DSCAM: variants seen among roughly 807,000 people sequenced by gnomAD.
DSCAM encodes the protein DS cell adhesion molecule.
A neutral mutation model predicts 217.7 loss-of-function variants in DSCAM; 47 were observed. The observed-to-expected ratio is 0.22, with a 90% CI of 0.17 to 0.28. The LOEUF is 0.28. Among genes scored for constraint, DSCAM ranks in the 10% least tolerant of loss-of-function variants. DSCAM has a pLI of 1.00. For missense variants in DSCAM, 2,080 were observed against 2,618.3 expected (o/e 0.79, Z 4.49); for synonymous variants, 1,056 against 1,015.3 (o/e 1.04, Z -0.76).
chr21:40,467,069 G>C (rs934002477), intron 3 of DSCAM, among the ~76,000 whole-genome samples: 1 of 152,156 alleles, frequency 6.6e-6, no homozygotes, highest in Non-Finnish European at 1.5e-5. Context: ...TATGTCTGTA[G>C]CTAAAGATAT....
chr21:40,302,111 T>C (rs766305886), intron 9 of DSCAM, among the ~76,000 whole-genome samples: 1 of 152,220 alleles, frequency 6.6e-6, no homozygotes, highest in Non-Finnish European at 1.5e-5. Flanking sequence ...GATTTCCTTT[T>C]ATTAGTATAA....
chr21:40,781,319 C>T (rs1238721651), intron 1 of DSCAM, among the ~76,000 whole-genome samples: 1 of 152,100 alleles, frequency 6.6e-6, no homozygotes, highest in Non-Finnish European at 1.5e-5. Flanking sequence ...CGTGCCTGGC[C>T]CATTTTGTAC....
intron 4 of DSCAM, among the ~76,000 whole-genome samples, chr21:40,364,463 G>C (rs1303876774): frequency 6.7e-6 from 1 of 148,694 alleles, no homozygotes; most frequent in Non-Finnish European, 1.5e-5. Flanking sequence ...TCACTCATAG[G>C]TGGGAATTGA....
intron 28 of DSCAM, among the ~76,000 whole-genome samples, chr21:40,058,617 G>C (rs990429211): frequency 2.0e-5 from 3 of 152,152 alleles, no homozygotes; most frequent in Admixed American, 6.5e-5. Flanking sequence ...CCAAGACTTT[G>C]TTTTGAGGCA....
At position 40,315,630 on chromosome 21, in the gene DSCAM, T is replaced by C. The variant is rs1401887682; in HGVS notation, c.1784-3271A>G. Among the ~76,000 whole-genome samples the C allele has an allele frequency of 1.8e-4, 27 of 152,158 alleles. 1 individual carries two copies. The highest frequency in any genetic ancestry group is 1.7e-3 in the Admixed American group (26 of 15,274). ...AAAATATTTGCAATTCATCAGTGTA[T>C]GGTATTTAAGGAATATTTTTATCAT... On this transcript the variant is annotated intron_variant, in intron 8 of 32. Coordinates refer to ENST00000400454, the MANE Select transcript of DSCAM (RefSeq NM_001389.5).
chr21:40,377,773 G>A (rs534261151), intron 3 of DSCAM, among the ~76,000 whole-genome samples: 16 of 152,186 alleles, frequency 1.1e-4, no homozygotes, highest in Non-Finnish European at 2.2e-4. Flanking sequence ...GAGGCATGGA[G>A]GACACAAGCC....
At chr21:40,589,401 C>A (rs1462478595) in intron 3 of DSCAM, among the ~76,000 whole-genome samples, 2 of 152,114 alleles carry the variant, frequency 1.3e-5, no homozygotes, top group Non-Finnish European at 2.9e-5. Context: ...TATGGTGAAA[C>A]CCCGTCCCTA....
At chr21:40,054,301 C>G (rs8129362) in intron 29 of DSCAM, among the ~76,000 whole-genome samples, 1,545 of 152,340 alleles carry the variant, frequency 0.01, 30 homozygotes, top group African/African-American at 0.035. Flanking sequence ...AAGTGTTTCA[C>G]TGAAGTTAGC....
At chr21:40,567,480 G>A (rs1336844988) in intron 3 of DSCAM, among the ~76,000 whole-genome samples, 1 of 152,228 alleles carries the variant, frequency 6.6e-6, no homozygotes, top group East Asian at 1.9e-4. Context: ...GTGAAATAAG[G>A]CTCAAGGGAC....
intron 3 of DSCAM, among the ~76,000 whole-genome samples, chr21:40,412,924 G>A (rs2075336705): frequency 6.6e-6 from 1 of 152,204 alleles, no homozygotes. Flanking sequence ...AGGGCCTTGG[G>A]GCCCTGCATC....
At chr21:40,293,201 G>A (rs1248795643) in intron 10 of DSCAM, among the ~76,000 whole-genome samples, 5 of 152,046 alleles carry the variant, frequency 3.3e-5, no homozygotes, top group African/African-American at 1.2e-4. Context: ...AGCCAGGGGC[G>A]ACCCGGCCAG....
chr21:40,261,650 T>TACACACACACACACACACACA (rs373042306), intron 11 of DSCAM, among the ~76,000 whole-genome samples: 30 of 112,740 alleles, frequency 2.7e-4, no homozygotes, highest in African/African-American at 8.4e-4. Context: ...TCTCTCTCTC[T>TACACACACACACACACACACA]CTACACACAC....
In DSCAM at chr21:40,353,502, G is replaced by A. The variant is rs748951887; in HGVS notation, c.897C>T (p.Tyr299=). The A allele has an allele frequency of 1.7e-5, 28 of 1,610,960 alleles. No homozygotes were observed. In the Middle Eastern group the frequency reaches 4.9e-4, roughly 28 times the overall value. The change falls in exon 5 of 33, where the codon TAC becomes TAT. Residue 299 remains tyrosine, a synonymous_variant. Coordinates refer to ENST00000400454, the MANE Select transcript of DSCAM (RefSeq NM_001389.5). ...GSYVCEVSNR[Y]GTAKVIGRLY... ...GGCGGCCTATCACCTTAGCAGTTCC[G>A]TATCTGTTGGACACTTCACAAACAT... is the stretch of plus-strand genomic sequence containing the variant.
At chr21:40,706,804 T>A (rs1568994798) in intron 2 of DSCAM, among the ~76,000 whole-genome samples, 1 of 152,220 alleles carries the variant, frequency 6.6e-6, no homozygotes, top group Non-Finnish European at 1.5e-5. Context: ...GTGTTCACAA[T>A]AAAAAGCAAA....
At chr21:40,713,129 C>T (rs2090801014) in intron 1 of DSCAM, among the ~76,000 whole-genome samples, 1 of 152,210 alleles carries the variant, frequency 6.6e-6, no homozygotes, top group African/African-American at 2.4e-5. Flanking sequence ...AAGACCTACA[C>T]CTCCTTGGGG....
At chr21:40,221,241 C>T (rs1419575052) in intron 11 of DSCAM, among the ~76,000 whole-genome samples, 1 of 152,010 alleles carries the variant, frequency 6.6e-6, no homozygotes, top group African/African-American at 2.4e-5. Context: ...CTACCTGTCC[C>T]ACCCATGCCA....
chr21:40,044,224 T>C lies in DSCAM; in HGVS notation c.5237A>G (p.Tyr1746Cys), dbSNP rs2146481537. The C allele has an allele frequency of 6.2e-7, 1 of 1,614,160 alleles. No individual in the cohort carries two copies. Among genetic ancestry groups the C allele is most frequent in the East Asian group, 2.2e-5 (1 of 44,864 alleles). ...TCGGTTGAGGGTCCACTGGCTGGCA[T>C]AGCGGTTTCTCGCTGTGGGCCCAGC... The part of the protein sequence containing the change: ...AKAGPTARNR[Y>C]ASQWTLNRPH... The change falls in exon 31 of 33, where the codon TAT becomes TGT. Residue 1746 changes from tyrosine (Y) to cysteine (C), a missense_variant. By Grantham distance (194) the Tyr-to-Cys change is radical. Around this residue, in one of 5 missense-constraint regions of DSCAM, gnomAD observed 1,144 missense variants for 1,421.1 expected, o/e 0.81. Coordinates refer to ENST00000400454, the MANE Select transcript of DSCAM (RefSeq NM_001389.5).
intron 30 of DSCAM, among the ~76,000 whole-genome samples, chr21:40,050,585 C>T (rs949015684): frequency 6.6e-6 from 1 of 152,054 alleles, no homozygotes; most frequent in Non-Finnish European, 1.5e-5. Context: ...CAGGTTCACG[C>T]CATTCTCCTG....
intron 1 of DSCAM, among the ~76,000 whole-genome samples, chr21:40,816,285 T>C (rs2091881142): frequency 2.0e-5 from 3 of 152,150 alleles, no homozygotes; most frequent in African/African-American, 7.2e-5. Context: ...GAATTTGAGG[T>C]GTCGGGATGC....
Sources: allele counts gnomAD v4.1 joint callset (sites outside exome capture counted in the v4.1 genomes callset), GRCh38; gene constraint gnomAD v4.1.1; regional missense constraint gnomAD v4.1.1; transcripts MANE v1.5; gene names NCBI Gene and HGNC (gene_info 2026-07-23, HGNC 2026-07-21).